The following CDKAL1 variants were observed in gnomAD, a reference collection of about 807,000 sequenced individuals.
The protein encoded by CDKAL1 is threonylcarbamoyladenosine tRNA methylthiotransferase.
Under a neutral mutation model 68.2 loss-of-function variants are expected in CDKAL1, and 32 were observed. The observed-to-expected ratio is 0.47, with a 90% CI of 0.35 to 0.63. CDKAL1 has a LOEUF of 0.63. Among genes scored for constraint, CDKAL1 ranks in the 30% least tolerant of loss-of-function variants. The pLI, the probability that CDKAL1 is intolerant of heterozygous loss-of-function variation, is 0.00. For missense variants in CDKAL1, 606 were observed against 696.7 expected (o/e 0.87, Z 1.47); for synonymous variants, 234 against 244.3 (o/e 0.96, Z 0.39).
chr6:20,538,344 C>G (rs568743682), intron 2 of CDKAL1, among the ~76,000 whole-genome samples: 39 of 151,520 alleles, frequency 2.6e-4, no homozygotes, highest in Non-Finnish European at 4.6e-4. Context: ...TAGATTCTTG[C>G]ATTGTTTGTA....
intron 10 of CDKAL1, among the ~76,000 whole-genome samples, chr6:20,988,196 G>GTGTA (rs1766587923): frequency 6.6e-6 from 1 of 151,058 alleles, no homozygotes; most frequent in Admixed American, 6.6e-5. Flanking sequence ...GTGTGTGTGT[G>GTGTA]TGTGTGTGTG....
At chr6:21,083,314 T>G (rs1007914303) in intron 12 of CDKAL1, among the ~76,000 whole-genome samples, 2 of 152,198 alleles carry the variant, frequency 1.3e-5, no homozygotes, top group African/African-American at 4.8e-5. Flanking sequence ...TGTGGAGTCA[T>G]GTTGGTGCTC....
chr6:20,551,151 C>G (rs896624485), intron 4 of CDKAL1, among the ~76,000 whole-genome samples: 3 of 152,116 alleles, frequency 2.0e-5, no homozygotes, highest in African/African-American at 7.2e-5. Context: ...AGGCGTGAGC[C>G]ACTGTGCTCG....
At chr6:20,573,381 A>G (rs1243797911) in intron 4 of CDKAL1, among the ~76,000 whole-genome samples, 1 of 152,018 alleles carries the variant, frequency 6.6e-6, no homozygotes, top group Admixed American at 6.6e-5. Context: ...CTCAAGTTAT[A>G]TTTATTAGCA....
At chr6:20,720,525 A>T (rs150111158) in intron 5 of CDKAL1, among the ~76,000 whole-genome samples, 17 of 151,552 alleles carry the variant, frequency 1.1e-4, no homozygotes, top group African/African-American at 4.1e-4. Flanking sequence ...GTCTTTCTTT[A>T]CTCTCTACTT....
intron 8 of CDKAL1, among the ~76,000 whole-genome samples, chr6:20,782,451 C>T (rs1775471552): frequency 6.6e-6 from 1 of 152,124 alleles, no homozygotes. Context: ...TAGCCTGAGC[C>T]GAATTATAAA....
In CDKAL1 at chr6:20,575,637, T is replaced by A. The variant is rs543629708; in HGVS notation, c.286+26932T>A. 7.9e-5 allele frequency among the ~76,000 whole-genome samples: 12 copies of A among 152,318 alleles called. No individual in the cohort carries two copies. In the South Asian group the frequency reaches 1.0e-3, roughly 13 times the overall value. On this transcript the variant is annotated intron_variant, in intron 4 of 15. Transcript: ENST00000274695. Reference sequence around the variant, plus strand: ...TATCTTCACATTAATATTATATCTTTTTGATTACAGGGTTTCTATTTTGGA... The same window carrying A: ...TATCTTCACATTAATATTATATCTTATTGATTACAGGGTTTCTATTTTGGA...
At chr6:20,990,904 T>G (rs188755803) in intron 10 of CDKAL1, among the ~76,000 whole-genome samples, 17 of 152,290 alleles carry the variant, frequency 1.1e-4, no homozygotes, top group Admixed American at 3.9e-4. Context: ...ACCATACTGA[T>G]TTATTGGGAC....
At chr6:20,836,647 C>G (rs1777958958) in intron 8 of CDKAL1, among the ~76,000 whole-genome samples, 1 of 152,078 alleles carries the variant, frequency 6.6e-6, no homozygotes, top group South Asian at 2.1e-4. Flanking sequence ...CTTTTCCATC[C>G]AAATGTTTCT....
intron 13 of CDKAL1, among the ~76,000 whole-genome samples, chr6:21,151,543 G>A (rs1476421242): frequency 2.6e-5 from 4 of 152,042 alleles, no homozygotes; most frequent in Admixed American, 1.3e-4. Context: ...CTAAAATAAC[G>A]ACTCCAATAT....
At chr6:20,793,760 T>TTC (rs68161577) in intron 8 of CDKAL1, among the ~76,000 whole-genome samples, 58,367 of 146,528 alleles carry the variant, frequency 0.4, 11,810 homozygotes, top group South Asian at 0.44. Flanking sequence ...ATTTCAGGGA[T>TTC]TGTTTTTTTT....
chr6:21,063,007 C>T (rs551212195), intron 11 of CDKAL1, among the ~76,000 whole-genome samples: 6 of 152,276 alleles, frequency 3.9e-5, no homozygotes, highest in East Asian at 1.9e-4. Flanking sequence ...CTCCACCTCC[C>T]GGGTTCAAGC....
chr6:21,026,631 G>T (rs1291890777), intron 11 of CDKAL1, among the ~76,000 whole-genome samples: 5 of 152,074 alleles, frequency 3.3e-5, no homozygotes, highest in Admixed American at 3.3e-4. Context: ...ATTCAGGAGG[G>T]CAATAATCAG....
At chr6:20,902,244 T>G (rs759185925) in intron 9 of CDKAL1, among the ~76,000 whole-genome samples, 1 of 151,646 alleles carries the variant, frequency 6.6e-6, no homozygotes, top group Non-Finnish European at 1.5e-5. Flanking sequence ...GAGAATAAAT[T>G]GTAGGGGTTC....
At chr6:21,218,290 G>C (rs1779413100) in intron 15 of CDKAL1, among the ~76,000 whole-genome samples, 1 of 152,180 alleles carries the variant, frequency 6.6e-6, no homozygotes, top group Non-Finnish European at 1.5e-5. Flanking sequence ...TTATGAATCA[G>C]ATTTCTAAGT....
intron 13 of CDKAL1, among the ~76,000 whole-genome samples, chr6:21,113,231 T>C (rs547491755): frequency 8.9e-4 from 135 of 152,340 alleles, no homozygotes; most frequent in Non-Finnish European, 1.8e-3. Context: ...TGTTTTAAAA[T>C]AGAATTTTTA....
chr6:20,857,806 A>C (rs1759412653), intron 9 of CDKAL1, among the ~76,000 whole-genome samples: 1 of 152,308 alleles, frequency 6.6e-6, no homozygotes, highest in Non-Finnish European at 1.5e-5. Context: ...TCTCTGTGAT[A>C]GATATAGGCC....
intron 6 of CDKAL1, among the ~76,000 whole-genome samples, chr6:20,740,297 C>G (rs930219625): frequency 6.6e-6 from 1 of 152,076 alleles, no homozygotes; most frequent in African/African-American, 2.4e-5. Context: ...AAAATCTTCC[C>G]GTTGTATTTC....
At chr6:20,832,239 T>C (rs1777748318) in intron 8 of CDKAL1, among the ~76,000 whole-genome samples, 1 of 152,214 alleles carries the variant, frequency 6.6e-6, no homozygotes, top group African/African-American at 2.4e-5. Context: ...AAATGATTTA[T>C]AACATAACCA....
Sources: gnomAD v4.1 joint callset for allele counts (sites outside exome capture counted in the v4.1 genomes callset) on GRCh38, gnomAD v4.1.1 for gene constraint, MANE v1.5 for transcripts, NCBI Gene and HGNC (gene_info 2026-07-23, HGNC 2026-07-21) for gene names.